The following CNTRL variants were observed in gnomAD, a reference collection of about 807,000 sequenced individuals.
CNTRL encodes centriolin.
A neutral mutation model predicts 303.7 loss-of-function variants in CNTRL; 233 were observed. That is an observed-to-expected ratio of 0.77 (90% CI 0.69 to 0.86). CNTRL has a LOEUF of 0.86. Among genes scored for constraint, CNTRL ranks in the 40% least tolerant of loss-of-function variants. The pLI is 0.00. For missense variants in CNTRL, 2,524 were observed against 2,650.6 expected (o/e 0.95, Z 1.05); for synonymous variants, 900 against 922.2 (o/e 0.98, Z 0.44).
chr9:121,153,054 A>G (rs1157192732), intron 26 of CNTRL, among the ~76,000 whole-genome samples: 1 of 152,004 alleles, frequency 6.6e-6, no homozygotes, highest in Non-Finnish European at 1.5e-5. Flanking sequence ...TTTCTTTTCC[A>G]TTACTCTCCT....
intron 11 of CNTRL, among the ~76,000 whole-genome samples, chr9:121,116,277 C>T (rs1258200700): frequency 2.0e-5 from 3 of 152,100 alleles, no homozygotes; most frequent in Non-Finnish European, 4.4e-5. Flanking sequence ...CAAAGGCCTT[C>T]AGACTAGAGA....
At chr9:121,128,380 T>A (rs2050660204) in intron 14 of CNTRL, among the ~76,000 whole-genome samples, 1 of 152,260 alleles carries the variant, frequency 6.6e-6, no homozygotes, top group Non-Finnish European at 1.5e-5. Context: ...TTGATTTGCA[T>A]TTCTCTGATG....
Position 121,118,345 on chromosome 9 carries a change from G to T in CNTRL, c.1456-1G>T, listed in dbSNP as rs1461096195. 3 of 1,578,738 alleles carry T rather than the reference G, an allele frequency of 1.9e-6. No individual in the cohort carries two copies. In the Admixed American group the frequency reaches 5.5e-5, roughly 29 times the overall value. ...TATATATTGGGGTTTGGGGAGATTA[G>T]ATTTCAGAAGCAGGGAAAGACCTTC... On this transcript the variant is annotated splice_acceptor_variant, in intron 11 of 43. Coordinates refer to ENST00000373855, the MANE Select transcript of CNTRL (RefSeq NM_007018.6). LOFTEE classifies it high-confidence loss of function.
chr9:121,151,075 T>C (rs1263693802), intron 25 of CNTRL, among the ~76,000 whole-genome samples: 2 of 152,200 alleles, frequency 1.3e-5, no homozygotes, highest in Admixed American at 6.5e-5. Flanking sequence ...TTATTATTTA[T>C]TTTCATAGTT....
At chr9:121,174,051 A>T (rs2302498) in intron 42 of CNTRL, among the ~76,000 whole-genome samples, 77,338 of 152,096 alleles carry the variant, frequency 0.51, 21,990 homozygotes, top group South Asian at 0.81. Context: ...CTGTAAGGTT[A>T]TCATAGGCCA....
At chr9:121,119,131 G>A (rs1328174111) in intron 12 of CNTRL, among the ~76,000 whole-genome samples, 1 of 151,678 alleles carries the variant, frequency 6.6e-6, no homozygotes, top group Non-Finnish European at 1.5e-5. Flanking sequence ...TATGGAATGT[G>A]TATGTCTAAA....
intron 31 of CNTRL, among the ~76,000 whole-genome samples, chr9:121,159,897 A>G (rs911068635): frequency 2.6e-5 from 4 of 152,156 alleles, no homozygotes; most frequent in African/African-American, 9.7e-5. Context: ...TTTTCTCTCT[A>G]TAGACGTTGC....
At chr9:121,173,641 G>A in intron 41 of CNTRL, 34 bp from the exon 42 acceptor site, 1 of 1,612,966 alleles carries the variant, frequency 6.2e-7, no homozygotes, top group Non-Finnish European at 8.5e-7. Context: ...AGCAGCAGAT[G>A]ATTCATGATA....
chr9:121,155,603 G>A (rs922759349), intron 27 of CNTRL, among the ~76,000 whole-genome samples: 7 of 152,170 alleles, frequency 4.6e-5, no homozygotes, highest in Admixed American at 1.3e-4. Context: ...GATTACAGGC[G>A]TGAGCCACTG....
intron 8 of CNTRL, among the ~76,000 whole-genome samples, chr9:121,110,489 C>T (rs565665307): frequency 2.7e-4 from 41 of 152,190 alleles, no homozygotes; most frequent in South Asian, 8.3e-4. Context: ...CTCCAAGTGA[C>T]GGTATCTGTT....
At chr9:121,100,432 T>C (rs964661026) in intron 7 of CNTRL, among the ~76,000 whole-genome samples, 43 of 152,266 alleles carry the variant, frequency 2.8e-4, no homozygotes, top group African/African-American at 7.7e-4. Flanking sequence ...AAGGAACAAC[T>C]GGTACCAGCC....
Position 121,094,999 on chromosome 9 carries a change from T to C in CNTRL, c.460T>C (p.Leu154=), listed in dbSNP as rs1264959599. 1.2e-6 allele frequency: 2 copies of C among 1,604,618 alleles called. No homozygotes were observed. The highest frequency in any genetic ancestry group is 2.2e-5 in the South Asian group (2 of 89,366). ...DKLLKLRELN[L]SYNKISKIEG... is the part of the protein sequence containing the mutation. ...GCTGTTAAAATTACGTGAACTCAAC[T>C]TATCATATAACAAAATCAGGTGAGT... is the stretch of plus-strand genomic sequence containing the variant. Residue 154 remains leucine, a synonymous_variant, in exon 5 of 44, where the codon TTA becomes CTA. Transcript: ENST00000373855.
At chr9:121,084,027 C>G in intron 2 of CNTRL, among the ~76,000 whole-genome samples, 1 of 152,174 alleles carries the variant, frequency 6.6e-6, no homozygotes, top group Non-Finnish European at 1.5e-5. Flanking sequence ...ACTTGAGCTA[C>G]TCTAAATCCT....
At chr9:121,095,226 C>A (rs2048839675) in intron 5 of CNTRL, among the ~76,000 whole-genome samples, 4 of 152,126 alleles carry the variant, frequency 2.6e-5, no homozygotes, top group Admixed American at 2.0e-4. Flanking sequence ...AGAATAACAT[C>A]TAGCATTATC....
intron 7 of CNTRL, 51 bp from the exon 8 acceptor site, chr9:121,107,751 T>C (rs960078277): frequency 5.2e-6 from 6 of 1,148,160 alleles, no homozygotes; most frequent in Non-Finnish European, 7.2e-6. Context: ...TCTTACCTTT[T>C]TAAAAATAGG....
intron 12 of CNTRL, among the ~76,000 whole-genome samples, chr9:121,119,631 G>A (rs1002828861): frequency 2.0e-5 from 3 of 151,436 alleles, no homozygotes; most frequent in Admixed American, 6.6e-5. Context: ...GAGTAGCTGG[G>A]ATTACAGGCG....
At position 121,074,996 on chromosome 9, in the gene CNTRL, C is replaced by A. The variant is rs920425582; in HGVS notation, c.-276C>A. On this transcript the variant is annotated 5_prime_UTR_variant, in exon 1 of 44. Coordinates refer to ENST00000373855, the MANE Select transcript of CNTRL (RefSeq NM_007018.6). ...CAAAATGGCTGCCGCGCCGCTGGGC[C>A]CCTGAGGAAAGAGCCCGAACTTCTC... 4 of 455,254 alleles carry A rather than the reference C, an allele frequency of 8.8e-6. No individual in the cohort carries two copies. The highest frequency in any genetic ancestry group is 4.0e-5 in the African/African-American group (2 of 50,066). 28.2% of individuals were successfully genotyped at this position (455,254 alleles called of 1,614,324 possible).
chr9:121,163,957 C>T (rs199872541), intron 34 of CNTRL, among the ~76,000 whole-genome samples: 2 of 151,726 alleles, frequency 1.3e-5, no homozygotes, highest in South Asian at 2.1e-4. Context: ...CTCCACCTTC[C>T]GGGTTCACGG....
intron 34 of CNTRL, among the ~76,000 whole-genome samples, chr9:121,164,200 G>A (rs938056686): frequency 6.6e-6 from 1 of 152,082 alleles, no homozygotes; most frequent in East Asian, 1.9e-4. Context: ...ATGTAAAATG[G>A]TATTAAGTAA....
Sources: gnomAD v4.1 joint callset for allele counts (sites outside exome capture counted in the v4.1 genomes callset) on GRCh38, gnomAD v4.1.1 for gene constraint, MANE v1.5 for transcripts, NCBI Gene and HGNC (gene_info 2026-07-23, HGNC 2026-07-21) for gene names.